The following GABRE variants were observed in gnomAD, a reference collection of about 807,000 sequenced individuals.
GABRE encodes the protein gamma-aminobutyric acid type A receptor subunit epsilon.
A neutral mutation model predicts 31.0 loss-of-function variants in GABRE; 20 were observed. The ratio of observed to expected loss-of-function variants is 0.64; its 90% CI spans 0.45 to 0.94. The LOEUF (loss-of-function observed/expected upper bound fraction) is 0.94, where lower values mean the gene tolerates loss of function less well. Ranked by LOEUF, GABRE falls within the 40% of genes least tolerant of loss-of-function variation. The probability of loss-of-function intolerance (pLI) is 0.00; values close to 1 mark genes in which losing one functional copy is unlikely to be tolerated. For missense variants in GABRE, 420 were observed against 410.7 expected, an observed-to-expected ratio of 1.02 and a Z score of -0.20; for synonymous variants, 155 against 150.6, an observed-to-expected ratio of 1.03 and a Z score of -0.21.
intron 1 of GABRE, chrX:151,971,141 G>C: frequency 2.4e-6 from 2 of 848,355 alleles, no homozygotes; most frequent in Non-Finnish European, 2.9e-6. Context: ...GAAACTCACC[G>C]ATGGTGTTAG....
intron 6 of GABRE, 143 bp from the exon 7 acceptor site, chrX:151,956,003 A>C: frequency 3.5e-6 from 2 of 575,735 alleles, no homozygotes; most frequent in Non-Finnish European, 5.5e-6. Flanking sequence ...ATACATACAA[A>C]TAGGACCAGA....
In GABRE at chrX:151,955,539, C is replaced by T; in HGVS notation, c.966G>A (p.Thr322=). The change falls in exon 8 of 9, where the codon ACG becomes ACA. Residue 322 remains threonine, a synonymous_variant. Transcript: ENST00000370328. ...AATTCTTACGAGAAAAGGTGCCCAA[C>T]GTGGTCATGGTCAGAACAGAGGTGA... The part of the protein sequence containing the change: ...LGITSVLTMT[T]LGTFSRKNFP... The T allele has an allele frequency of 1.7e-6, 2 of 1,211,741 alleles. No homozygotes were observed. The highest frequency in any genetic ancestry group is 2.2e-6 in the Non-Finnish European group (2 of 895,313).
chrX:151,974,586 A>G lies in GABRE; in HGVS notation c.40T>C (p.Leu14=), dbSNP rs1603110795. The G allele has an allele frequency of 1.7e-6, 2 of 1,177,818 alleles. No individual in the cohort carries two copies. The highest frequency in any genetic ancestry group is 6.5e-5 in the East Asian group (2 of 30,794). ...KVLPVLLGIL[L]ILQSRVEGPQ... ...GAGACTCACCTCGACTGGAGGATCA[A>G]TAAGATGCCTAGGAGGACTGGAAGA... Residue 14 remains leucine (L), a synonymous_variant, in exon 1 of 9, where the codon TTG becomes CTG. Transcript: ENST00000370328.
chrX:151,960,935 G>T (rs2124162528), intron 5 of GABRE, among the ~76,000 whole-genome samples: 1 of 111,706 alleles, frequency 9.0e-6, no homozygotes, highest in Admixed American at 9.5e-5. Context: ...TTGTTTTGGT[G>T]GTAGAGGTTT....
rs1335258543 is a variant in GABRE, at chrX:151,964,430, A to G, written c.343-1787T>C. 2.7e-5 allele frequency among the ~76,000 whole-genome samples: 3 copies of G among 111,478 alleles called. No individual in the cohort carries two copies. The East Asian group carries it at 8.5e-4, about 31-fold the overall frequency. On this transcript the variant is annotated intron_variant, in intron 3 of 8. Transcript: ENST00000370328. ...ATGAGTTTGGCTGTAGGAGTTTTCT[A>G]TTTCCAGGTGTTCCAAAATAAAATA...
intron 2 of GABRE, 50 bp downstream of exon 2, chrX:151,970,135 C>T: frequency 2.5e-6 from 3 of 1,202,111 alleles, no homozygotes; most frequent in Non-Finnish European, 3.4e-6. Context: ...TGCCTATGCC[C>T]TCAACCCCTG....
At chrX:151,967,489 C>T (rs1169373111) in intron 3 of GABRE, among the ~76,000 whole-genome samples, 1 of 111,968 alleles carries the variant, frequency 8.9e-6, no homozygotes, top group Non-Finnish European at 1.9e-5. Context: ...ACACCAATGA[C>T]CTGAAAGGGT....
Position 151,956,098 on chromosome X carries a change from A to G in GABRE, c.785-238T>C, listed in dbSNP as rs1934160317. ...CCAGAATCTTAATAGCTTCCTTCTC[A>G]GTTCACTGTCCTACACCCAATGTCT... On this transcript the variant is annotated intron_variant, in intron 6 of 8. Coordinates refer to ENST00000370328, the MANE Select transcript of GABRE (RefSeq NM_004961.4). The G allele has an allele frequency of 4.5e-5, 18 of 400,107 alleles. No individual in the cohort carries two copies. In the South Asian group the frequency reaches 6.6e-4, roughly 15 times the overall value. The allele number at this position is 400,107 out of a possible 1,213,427, so 33.0% of individuals were successfully genotyped here. A position where few individuals can be genotyped will look rare whatever the true frequency, so the allele number is the denominator to read the frequency against.
chrX:151,962,536 T>C lies in GABRE; in HGVS notation c.450A>G (p.Leu150=), dbSNP rs112720342. The change falls in exon 4 of 9, where the codon CTA becomes CTG. Residue 150 remains leucine (L), a synonymous_variant. Transcript: ENST00000370328. The part of the protein sequence containing the change: ...LVLNGNVVSQ[L]WIPDTFFRNS... ...TCCTAAAAAAGGTGTCCGGGATCCA[T>C]AGCTGGCTCACCACATTGCCATTCA... The C allele has an allele frequency of 6.1e-5, 74 of 1,208,826 alleles. No homozygotes were observed. The Middle Eastern group carries it at 6.9e-4, about 11-fold the overall frequency.
At chrX:151,972,799 T>C (rs943326597) in intron 1 of GABRE, 8 of 281,272 alleles carry the variant, frequency 2.8e-5, no homozygotes, top group Non-Finnish European at 3.3e-5. Flanking sequence ...TGACAATGCA[T>C]ACCTTTCCCC....
chrX:151,972,721 A>AG, intron 1 of GABRE: 1 of 708,831 alleles, frequency 1.4e-6, no homozygotes, highest in Non-Finnish European at 1.7e-6. Flanking sequence ...CCAGTTAAAA[A>AG]AAAAAAACAC....
intron 6 of GABRE, chrX:151,959,040 G>A: frequency 3.0e-6 from 1 of 330,999 alleles, no homozygotes; most frequent in Non-Finnish European, 5.9e-6. Context: ...TGGAAACGAT[G>A]AGGGCAGTGC....
intron 1 of GABRE, chrX:151,971,655 G>A (rs1342432984): frequency 2.5e-5 from 3 of 121,485 alleles, no homozygotes; most frequent in Non-Finnish European, 5.0e-5. Context: ...GAGTGGCCAT[G>A]AGTTCACAAA....
In GABRE at chrX:151,969,271, A is replaced by G. The variant is rs1031495024; in HGVS notation, c.342+398T>C. On this transcript the variant is annotated intron_variant, in intron 3 of 8. Transcript: ENST00000370328. ...AAAGCCAAATGGGGGCAGTGCTGAC[A>G]CTATGATGATACGAGTGGAAAAGGA... 8.6e-5 allele frequency: 10 copies of G among 115,981 alleles called. No homozygotes were observed. The East Asian group carries it at 2.7e-3, about 31-fold the overall frequency. 9.6% of individuals were successfully genotyped at this position (115,981 alleles called of 1,213,427 possible).
chrX:151,969,645 G>A, intron 3 of GABRE, 24 bp downstream of exon 3: 2 of 1,196,787 alleles, frequency 1.7e-6, no homozygotes, highest in Non-Finnish European at 2.3e-6. Context: ...CTAGGAAATA[G>A]TACTAAAAAA....
At chrX:151,972,081 A>T in intron 1 of GABRE, 1 of 753,595 alleles carries the variant, frequency 1.3e-6, no homozygotes, top group Non-Finnish European at 1.6e-6. Context: ...GTTTCCTAAA[A>T]TAAGGGGTAA....
chrX:151,968,956 T>C (rs1934603560), intron 3 of GABRE, among the ~76,000 whole-genome samples: 1 of 112,084 alleles, frequency 8.9e-6, no homozygotes, highest in Non-Finnish European at 1.9e-5. Flanking sequence ...ATGAATGAGA[T>C]GCTGTCTGAG....
At position 151,955,087 on chromosome X, in the gene GABRE, A is replaced by G; in HGVS notation, c.1138-3T>C. ...TGGGCACGGCTATTGATACGAGGCT[A>G]AAATGGACAAGGAAAGAAGTGGGGA... On this transcript the variant is annotated splice_polypyrimidine_tract_variant and splice_region_variant and intron_variant, in intron 8 of 8. Transcript: ENST00000370328. 1 of 1,202,437 alleles carries G rather than the reference A, an allele frequency of 8.3e-7. No homozygotes were observed.
rs201300022 is a variant in GABRE, at chrX:151,955,586, G to C, written c.938-19C>G. The C allele has an allele frequency of 8.3e-7, 1 of 1,204,171 alleles. No homozygotes were observed. Among genetic ancestry groups the C allele is most frequent in the Admixed American group, 2.2e-5 (1 of 46,092 alleles). ...GTGATCCCTGCAAGAGCACAAGAGT[G>C]ATGGGCTCAGCTCCTGACCTATGTG... On this transcript the variant is annotated intron_variant, in intron 7 of 8. Coordinates refer to ENST00000370328, the MANE Select transcript of GABRE (RefSeq NM_004961.4).
Sources: gnomAD v4.1 joint callset for allele counts (sites outside exome capture counted in the v4.1 genomes callset) on GRCh38, gnomAD v4.1.1 for gene constraint, MANE v1.5 for transcripts, NCBI Gene and HGNC (gene_info 2026-07-23, HGNC 2026-07-21) for gene names.